Variants in SPAG16 observed in about 807,000 individuals in gnomAD.
SPAG16 encodes sperm-associated antigen 16 protein.
A neutral mutation model predicts 80.4 loss-of-function variants in SPAG16; 86 were observed. The observed-to-expected ratio is 1.07, with a 90% CI of 0.90 to 1.28. SPAG16 has a LOEUF of 1.28. SPAG16 is among the 50% of genes most tolerant of loss of function. The probability of loss-of-function intolerance (pLI) is 0.00; values close to 1 mark genes in which losing one functional copy is unlikely to be tolerated. For missense variants in SPAG16, 870 were observed against 765.3 expected, an observed-to-expected ratio of 1.14 and a Z score of -1.61; for synonymous variants, 294 against 265.9, an observed-to-expected ratio of 1.11 and a Z score of -1.03.
chr2:214,293,987 G>A (rs2125936304), intron 15 of SPAG16, among the ~76,000 whole-genome samples: 1 of 152,348 alleles, frequency 6.6e-6, no homozygotes, highest in East Asian at 1.9e-4. Flanking sequence ...TTCTTTGGGT[G>A]TATGAAATGT....
intron 10 of SPAG16, among the ~76,000 whole-genome samples, chr2:213,801,544 C>T (rs549845719): frequency 3.9e-5 from 6 of 152,282 alleles, no homozygotes; most frequent in African/African-American, 1.4e-4. Flanking sequence ...GATCTTTACA[C>T]ACTGTCCAAA....
chr2:214,226,395 G>A (rs1311625396), intron 15 of SPAG16, among the ~76,000 whole-genome samples: 2 of 152,082 alleles, frequency 1.3e-5, no homozygotes, highest in African/African-American at 2.4e-5. Context: ...CATTCATGGT[G>A]TGGGGGTAAA....
At chr2:213,887,198 C>G (rs1194776443) in intron 11 of SPAG16, among the ~76,000 whole-genome samples, 1 of 152,038 alleles carries the variant, frequency 6.6e-6, no homozygotes, top group Non-Finnish European at 1.5e-5. Flanking sequence ...TTTAACTAAA[C>G]TATAGACTTC....
intron 15 of SPAG16, among the ~76,000 whole-genome samples, chr2:214,316,062 T>C (rs963423066): frequency 4.6e-5 from 7 of 152,048 alleles, no homozygotes; most frequent in African/African-American, 1.4e-4. Flanking sequence ...CAGTCTTCTG[T>C]ATAACAACTT....
intron 14 of SPAG16, among the ~76,000 whole-genome samples, chr2:214,144,985 G>C (rs1460301234): frequency 6.6e-6 from 1 of 151,944 alleles, no homozygotes; most frequent in Non-Finnish European, 1.5e-5. Flanking sequence ...TTCTTAACCT[G>C]AGCACTAGCC....
rs934280058 is a variant in SPAG16 at position 213,768,806 on chromosome 2, A to G, written c.1071-93679A>G. ...TATAAGGCATAAGAAATGTATGTCA[A>G]TAGATGTGGCCATGCTGGACAAGTA... On this transcript the variant is annotated intron_variant, in intron 10 of 15. Coordinates refer to ENST00000331683, the MANE Select transcript of SPAG16 (RefSeq NM_024532.5). 1.2e-4 allele frequency among the ~76,000 whole-genome samples: 19 copies of G among 152,320 alleles called. No individual in the cohort carries two copies. In the South Asian group the frequency reaches 1.7e-3, roughly 13 times the overall value.
chr2:213,300,658 GTAGT>G (rs1292374746), intron 3 of SPAG16, among the ~76,000 whole-genome samples: 5 of 152,136 alleles, frequency 3.3e-5, no homozygotes, highest in Non-Finnish European at 5.9e-5. Context: ...TTTGGAAAAT[GTAGT>G]TAGTTTTTAT....
intron 15 of SPAG16, among the ~76,000 whole-genome samples, chr2:214,256,637 C>A (rs1404712996): frequency 6.6e-6 from 1 of 151,814 alleles, no homozygotes; most frequent in Non-Finnish European, 1.5e-5. Context: ...TTAAAACAAA[C>A]AAACAAACAA....
chr2:213,595,906 G>GTA, intron 10 of SPAG16, among the ~76,000 whole-genome samples: 1 of 152,116 alleles, frequency 6.6e-6, no homozygotes, highest in Admixed American at 6.5e-5. Context: ...ATATTAAAAT[G>GTA]TACTTTGATC....
At chr2:213,752,664 T>A (rs1378680912) in intron 10 of SPAG16, among the ~76,000 whole-genome samples, 5 of 152,228 alleles carry the variant, frequency 3.3e-5, no homozygotes, top group South Asian at 2.1e-4. Flanking sequence ...TGCTGCCTTC[T>A]TACTCTTTTT....
chr2:213,693,734 C>T (rs1291283113), intron 10 of SPAG16, among the ~76,000 whole-genome samples: 1 of 152,086 alleles, frequency 6.6e-6, no homozygotes, highest in Non-Finnish European at 1.5e-5. Flanking sequence ...ATATTTAGTC[C>T]TTGGTGGTAG....
At chr2:214,238,164 A>G in intron 15 of SPAG16, 6 of 437,824 alleles carry the variant, frequency 1.4e-5, no homozygotes, top group South Asian at 9.9e-5. Flanking sequence ...ATAGACTAGG[A>G]GCTCAGATAT....
Position 213,512,001 on chromosome 2 carries a change from TAA to T in SPAG16, c.1070+21914_1070+21915del, listed in dbSNP as rs1480160764. On this transcript the variant is annotated intron_variant, in intron 10 of 15. Coordinates refer to ENST00000331683, the MANE Select transcript of SPAG16 (RefSeq NM_024532.5). ...CTAATTTTTCTCCTCTGGAGAAAAA[TAA>T]AATAAAATATATTACACCCCTTTTA... Among the ~76,000 whole-genome samples, 3 of 152,050 alleles carry T rather than the reference TAA, an allele frequency of 2.0e-5. No homozygotes were observed. The East Asian group carries it at 5.8e-4, about 29-fold the overall frequency.
intron 15 of SPAG16, among the ~76,000 whole-genome samples, chr2:214,409,574 C>T (rs1485449911): frequency 6.6e-6 from 1 of 151,958 alleles, no homozygotes; most frequent in Non-Finnish European, 1.5e-5. Flanking sequence ...AGTAAAAACT[C>T]TCAAGTCATT....
At chr2:213,755,369 G>A (rs142711242) in intron 10 of SPAG16, among the ~76,000 whole-genome samples, 1 of 152,106 alleles carries the variant, frequency 6.6e-6, no homozygotes, top group African/African-American at 2.4e-5. Context: ...TGAAGTCATA[G>A]GTGTCTGTGT....
At chr2:213,506,439 A>G (rs940183423) in intron 10 of SPAG16, among the ~76,000 whole-genome samples, 6 of 152,170 alleles carry the variant, frequency 3.9e-5, no homozygotes, top group Non-Finnish European at 8.8e-5. Context: ...TTTTATCCCA[A>G]GTGTGTCAAG....
intron 9 of SPAG16, among the ~76,000 whole-genome samples, chr2:213,469,516 C>G (rs1486358631): frequency 6.7e-6 from 1 of 150,258 alleles, no homozygotes; most frequent in Non-Finnish European, 1.5e-5. Flanking sequence ...TGATGACTAC[C>G]TTCTTCAACT....
intron 10 of SPAG16, among the ~76,000 whole-genome samples, chr2:213,706,710 T>A (rs2065766224): frequency 6.6e-6 from 1 of 151,900 alleles, no homozygotes; most frequent in Non-Finnish European, 1.5e-5. Context: ...TAAAACTTAG[T>A]TTTTCGGAAT....
chr2:213,626,944 A>G (rs2061984633), intron 10 of SPAG16, among the ~76,000 whole-genome samples: 2 of 152,134 alleles, frequency 1.3e-5, no homozygotes, highest in South Asian at 4.2e-4. Context: ...CACTGAGCCC[A>G]CCCTGAATTT....
Sources: allele counts gnomAD v4.1 joint callset (sites outside exome capture counted in the v4.1 genomes callset), GRCh38; gene constraint gnomAD v4.1.1; transcripts MANE v1.5; gene names NCBI Gene and HGNC (gene_info 2026-07-23, HGNC 2026-07-21).